Variants in ASTN1 observed in about 807,000 individuals in gnomAD.
ASTN1 encodes astrotactin-1.
A neutral mutation model predicts 140.7 loss-of-function variants in ASTN1; 41 were observed. That is an observed-to-expected ratio of 0.29 (90% CI 0.23 to 0.38). The LOEUF is 0.38. ASTN1 is among the 10% of genes least tolerant of loss of function. The pLI is 1.00. For missense variants in ASTN1, 1,479 were observed against 1,678.8 expected, an observed-to-expected ratio of 0.88 and a Z score of 2.08; for synonymous variants, 640 against 652.2, an observed-to-expected ratio of 0.98 and a Z score of 0.29.
At position 177,115,809 on chromosome 1, in the gene ASTN1, A is replaced by C. The variant is rs138213793; in HGVS notation, c.283+48585T>G. The stretch of plus-strand genomic sequence containing the variant: ...CCATTCCCATAGATAACTACTGCTA[A>C]TATTTCTGGGGAATAATATTCCTTC... On this transcript the variant is annotated intron_variant, in intron 1 of 22. Transcript: ENST00000361833. Among the ~76,000 whole-genome samples the C allele has an allele frequency of 5.8e-4, 88 of 152,270 alleles. 2 individuals carry two copies. In the East Asian group the frequency reaches 0.015, roughly 26 times the overall value.
chr1:177,141,836 C>A (rs535368547), intron 1 of ASTN1, among the ~76,000 whole-genome samples: 2 of 152,286 alleles, frequency 1.3e-5, no homozygotes, highest in South Asian at 4.1e-4. Flanking sequence ...ATTTTGGAAA[C>A]GTCACCTTGG....
intron 2 of ASTN1, among the ~76,000 whole-genome samples, chr1:177,041,321 T>C (rs1271414978): frequency 2.6e-5 from 4 of 152,224 alleles, no homozygotes; most frequent in African/African-American, 7.2e-5. Flanking sequence ...GTTAAGAGGC[T>C]GGCCCCACAT....
intron 1 of ASTN1, among the ~76,000 whole-genome samples, chr1:177,061,512 C>T (rs890407815): frequency 6.6e-6 from 1 of 152,002 alleles, no homozygotes; most frequent in Non-Finnish European, 1.5e-5. Flanking sequence ...TCTCACCCAT[C>T]GAAAAAAATA....
chr1:177,003,862 A>T (rs1184533524), intron 8 of ASTN1, among the ~76,000 whole-genome samples: 1 of 151,976 alleles, frequency 6.6e-6, no homozygotes, highest in African/African-American at 2.4e-5. Flanking sequence ...CCCACAACCA[A>T]CATCATACTG....
rs138104700 is a variant in ASTN1 at position 176,949,018 on chromosome 1, C to T, written c.2054+167G>A. 6.3e-3 allele frequency among the ~76,000 whole-genome samples: 959 copies of T among 152,168 alleles called. 6 individuals are homozygous for T. The highest frequency in any genetic ancestry group is 8.8e-3 in the Non-Finnish European group (601 of 68,008). On this transcript the variant is annotated intron_variant, in intron 12 of 22. Transcript: ENST00000361833. ...GTCCCACACAACTTTAAAATGTTCC[C>T]CCTCGACTTTAAAAATGTTCCCCCC...
chr1:176,980,090 T>TA (rs1266891443), intron 8 of ASTN1, among the ~76,000 whole-genome samples: 3 of 152,194 alleles, frequency 2.0e-5, no homozygotes, highest in Non-Finnish European at 2.9e-5. Flanking sequence ...AGAGGATGTG[T>TA]AGGTATGACC....
chr1:176,862,761 A>T lies in ASTN1; in HGVS notation c.*1523T>A, dbSNP rs549700567. ...GGAGTTGCTGTGAGAATTCAATGAT[A>T]CCTAAAGTGCTTACATCAGCGCCTG... On this transcript the variant is annotated 3_prime_UTR_variant, in exon 23 of 23. Transcript: ENST00000361833. The T allele has an allele frequency of 1.0e-6, 1 of 956,864 alleles. No homozygotes were observed. Among genetic ancestry groups the T allele is most frequent in the East Asian group, 1.2e-4 (1 of 8,648 alleles). 59.3% of individuals were successfully genotyped at this position (956,864 alleles called of 1,614,324 possible). A position where few individuals can be genotyped will look rare whatever the true frequency, so the allele number is the denominator to read the frequency against.
intron 9 of ASTN1, among the ~76,000 whole-genome samples, chr1:176,961,658 C>T (rs1672670559): frequency 1.3e-5 from 2 of 152,186 alleles, no homozygotes; most frequent in East Asian, 1.9e-4. Context: ...TGGCTCAGGC[C>T]TATGGAATTC....
chr1:177,142,116 GATTA>G (rs1167075171), intron 1 of ASTN1, among the ~76,000 whole-genome samples: 1 of 152,130 alleles, frequency 6.6e-6, no homozygotes, highest in African/African-American at 2.4e-5. Context: ...CAGCTCTAAT[GATTA>G]TGTAGACATG....
chr1:177,082,599 C>A (rs559960786), intron 1 of ASTN1, among the ~76,000 whole-genome samples: 3 of 152,152 alleles, frequency 2.0e-5, no homozygotes, highest in Non-Finnish European at 2.9e-5. Context: ...CAGGTCTCAG[C>A]GCCAGGATGT....
At chr1:177,076,278 C>CAAAAAAAAAAAAAA (rs1171864161) in intron 1 of ASTN1, among the ~76,000 whole-genome samples, 1 of 77,744 alleles carries the variant, frequency 1.3e-5, no homozygotes, top group Non-Finnish European at 2.4e-5. Context: ...GACTATGTCT[C>CAAAAAAAAAAAAAA]AAAAAAAAAA....
rs530930218 is a variant in ASTN1, at chr1:177,032,449, T to C, written c.865+7A>G. ...CAAACAGCCCCTTGCCTTTCTCCCA[T>C]CCCCACCTGGTGTGAGGTCCATCCC... On this transcript the variant is annotated splice_region_variant and intron_variant, in intron 3 of 22. Transcript: ENST00000361833. 8 of 1,611,168 alleles carry C rather than the reference T, an allele frequency of 5.0e-6. No individual in the cohort carries two copies. In the East Asian group the frequency reaches 1.3e-4, roughly 27 times the overall value.
chr1:177,095,490 T>C (rs563761414), intron 1 of ASTN1, among the ~76,000 whole-genome samples: 73 of 152,320 alleles, frequency 4.8e-4, no homozygotes, highest in Middle Eastern at 3.4e-3. Context: ...CCCCACCCTG[T>C]AGTGCAGTAT....
intron 2 of ASTN1, among the ~76,000 whole-genome samples, chr1:177,035,331 C>T (rs573997297): frequency 6.6e-6 from 1 of 152,292 alleles, no homozygotes; most frequent in East Asian, 1.9e-4. Context: ...TCTTGCACAA[C>T]ATAAGAGGAC....
intron 16 of ASTN1, among the ~76,000 whole-genome samples, chr1:176,900,470 T>TTGAA (rs1669719741): frequency 6.6e-6 from 1 of 152,062 alleles, no homozygotes; most frequent in Non-Finnish European, 1.5e-5. Context: ...CTCTCTCTCT[T>TTGAA]TCTCCCCACC....
chr1:176,954,077 C>T (rs1344017484), intron 11 of ASTN1, among the ~76,000 whole-genome samples: 2 of 152,334 alleles, frequency 1.3e-5, no homozygotes, highest in African/African-American at 4.8e-5. Flanking sequence ...TCCTGCCAGC[C>T]AAGCCTGCTC....
At chr1:177,034,371 G>A (rs1285653931) in intron 2 of ASTN1, among the ~76,000 whole-genome samples, 6 of 152,074 alleles carry the variant, frequency 3.9e-5, no homozygotes, top group African/African-American at 1.4e-4. Flanking sequence ...CATGTGGCTT[G>A]TTGGGGACAG....
intron 1 of ASTN1, among the ~76,000 whole-genome samples, chr1:177,117,419 C>A (rs1366163246): frequency 6.6e-6 from 1 of 152,166 alleles, no homozygotes; most frequent in Non-Finnish European, 1.5e-5. Context: ...CTGGTAGAAT[C>A]CCACCCAACA....
intron 1 of ASTN1, among the ~76,000 whole-genome samples, chr1:177,067,353 G>A (rs1014332051): frequency 6.6e-6 from 1 of 152,156 alleles, no homozygotes; most frequent in Non-Finnish European, 1.5e-5. Context: ...TAAAGATTGA[G>A]CTCCGGACTT....
Sources: allele counts gnomAD v4.1 joint callset (sites outside exome capture counted in the v4.1 genomes callset), GRCh38; gene constraint gnomAD v4.1.1; transcripts MANE v1.5; gene names NCBI Gene and HGNC (gene_info 2026-07-23, HGNC 2026-07-21).